Variants in TCF4 observed in about 807,000 individuals in gnomAD.
The protein encoded by TCF4 is transcription factor 4.
TCF4 carries 3 observed loss-of-function variants against 82.1 expected under a neutral mutation model. That is an observed-to-expected ratio of 0.04 (90% CI 0.02 to 0.09). The LOEUF is 0.09. Ranked by LOEUF, TCF4 falls within the 10% of genes least tolerant of loss-of-function variation. TCF4 has a pLI of 1.00. For synonymous variants in TCF4, 276 were observed against 309.6 expected (o/e 0.89, Z 1.14); for missense variants, 518 against 852.7 (o/e 0.61, Z 4.89).
upstream of TCF4, chr18:55,588,250 G>A: frequency 7.0e-7 from 1 of 1,423,596 alleles, no homozygotes; most frequent in Non-Finnish European, 9.2e-7. Context: ...GGGGAGGGGA[G>A]GGGACGGAGG....
rs573096061 is a variant in TCF4 at position 55,234,173 on chromosome 18, CAACAAA to C, written c.1486+369_1486+374del. 6.6e-5 allele frequency among the ~76,000 whole-genome samples: 10 copies of C among 152,232 alleles called. No homozygotes were observed. In the South Asian group the frequency reaches 2.1e-3, roughly 32 times the overall value. ...CACCTATATTTCCTTCCATCTTAAA[CAACAAA>C]AACAATTTCCTTCCTTCCTATTCAT... On this transcript the variant is annotated intron_variant, in intron 16 of 19. Transcript: ENST00000354452.
intron 13 of TCF4, 198 bp from the exon 14 acceptor site, chr18:55,257,589 A>C: frequency 1.6e-6 from 1 of 609,654 alleles, no homozygotes; most frequent in South Asian, 2.0e-5. Context: ...TAGACTTTAC[A>C]TAGACTCACA....
chr18:55,559,170 T>G (rs914423702), intron 3 of TCF4, among the ~76,000 whole-genome samples: 5 of 146,046 alleles, frequency 3.4e-5, no homozygotes, highest in African/African-American at 1.3e-4. Context: ...AAAAAAAAAG[T>G]AATTGTAAGT....
intron 2 of TCF4, among the ~76,000 whole-genome samples, chr18:55,619,810 T>G (rs960913921): frequency 3.3e-5 from 5 of 152,188 alleles, no homozygotes; most frequent in African/African-American, 1.2e-4. Flanking sequence ...TGCTGGATGT[T>G]TTTGTATACC....
Position 55,222,969 on chromosome 18 carries a change from T to C in TCF4, c.*5066A>G, listed in dbSNP as rs1390994463. The C allele has an allele frequency of 6.6e-6, 1 of 152,602 alleles. No homozygotes were observed. Among genetic ancestry groups the C allele is most frequent in the Non-Finnish European group, 1.5e-5 (1 of 68,024 alleles). 9.5% of individuals were successfully genotyped at this position (152,602 alleles called of 1,614,324 possible). On this transcript the variant is annotated 3_prime_UTR_variant, in exon 20 of 20. Transcript: ENST00000354452. Reference sequence around the variant, plus strand: ...GTATAAATACAGTGTTAATATTAACTGTAGTTAACAATATTCAGCTTTTAA... The same window carrying C: ...GTATAAATACAGTGTTAATATTAACCGTAGTTAACAATATTCAGCTTTTAA...
chr18:55,341,585 G>A (rs2079975230), intron 8 of TCF4, among the ~76,000 whole-genome samples: 2 of 152,100 alleles, frequency 1.3e-5, no homozygotes, highest in South Asian at 4.1e-4. Context: ...TACTTGAAAG[G>A]TCTTTTTATG....
At chr18:55,458,818 A>T (rs1299484350) in intron 5 of TCF4, among the ~76,000 whole-genome samples, 1 of 152,162 alleles carries the variant, frequency 6.6e-6, no homozygotes, top group African/African-American at 2.4e-5. Flanking sequence ...TACTTGTTTC[A>T]ATGTCTTTTT....
intron 6 of TCF4, among the ~76,000 whole-genome samples, chr18:55,355,755 A>T (rs1315192663): frequency 2.0e-5 from 3 of 152,214 alleles, no homozygotes; most frequent in African/African-American, 7.2e-5. Context: ...CTTGCAAATC[A>T]GGGACTTAAA....
chr18:55,260,132 T>G, intron 12 of TCF4, 105 bp from the exon 13 acceptor site: 1 of 818,070 alleles, frequency 1.2e-6, no homozygotes, highest in Non-Finnish European at 2.1e-6. Flanking sequence ...ACTTACAAGT[T>G]ACAGCATACA....
chr18:55,231,049 T>C, intron 17 of TCF4: 1 of 152,328 alleles, frequency 6.6e-6, no homozygotes, highest in Non-Finnish European at 1.5e-5. Flanking sequence ...GTCAACTGAG[T>C]CCACTGGAAA....
chr18:55,618,776 A>G (rs1041126559), intron 2 of TCF4, among the ~76,000 whole-genome samples: 48 of 150,290 alleles, frequency 3.2e-4, no homozygotes, highest in African/African-American at 1.1e-3. Flanking sequence ...TTGTAGAGAC[A>G]GAGTCTTGCC....
chr18:55,565,261 A>T (rs1246321988), intron 3 of TCF4, among the ~76,000 whole-genome samples: 1 of 152,092 alleles, frequency 6.6e-6, no homozygotes, highest in Non-Finnish European at 1.5e-5. Flanking sequence ...GTATGACAAT[A>T]CACCCAAGGC....
intron 6 of TCF4, chr18:55,401,124 A>G: frequency 7.8e-7 from 1 of 1,288,518 alleles, no homozygotes; most frequent in Non-Finnish European, 1.0e-6. Flanking sequence ...GATTCAAATA[A>G]CAATACGGCA....
At chr18:55,325,295 A>G (rs2076362928) in intron 8 of TCF4, among the ~76,000 whole-genome samples, 1 of 152,204 alleles carries the variant, frequency 6.6e-6, no homozygotes, top group South Asian at 2.1e-4. Flanking sequence ...TTGAGAAAAG[A>G]GAGAAAATAT....
At chr18:55,389,957 G>A (rs11152363) in intron 6 of TCF4, among the ~76,000 whole-genome samples, 24,867 of 151,944 alleles carry the variant, frequency 0.16, 2,726 homozygotes, top group East Asian at 0.49. Flanking sequence ...TGGTGGCTGG[G>A]AGTCAGTCAT....
intron 3 of TCF4, among the ~76,000 whole-genome samples, chr18:55,467,207 G>A (rs2096048277): frequency 6.6e-6 from 1 of 152,028 alleles, no homozygotes; most frequent in Non-Finnish European, 1.5e-5. Context: ...TGTTTCCATA[G>A]CATGCGCAAT....
chr18:55,299,451 C>CTT lies in TCF4; in HGVS notation c.550-19797_550-19796dup, dbSNP rs113065305. 1.8e-3 allele frequency among the ~76,000 whole-genome samples: 213 copies of CTT among 116,770 alleles called. 4 individuals carry two copies. The highest frequency in any genetic ancestry group is 5.8e-3 in the African/African-American group (180 of 31,164). The allele number at this position is 116,770 out of a possible 152,430, so 76.6% of individuals were successfully genotyped here. On this transcript the variant is annotated intron_variant, in intron 8 of 19. Transcript: ENST00000354452. ...GCTTTCTTGGGGGAGCATGTTTCTG[C>CTT]TTTTTTTTTTTTTTTTTTGGGTCTG...
At chr18:55,391,619 A>G (rs966769649) in intron 6 of TCF4, among the ~76,000 whole-genome samples, 1 of 151,974 alleles carries the variant, frequency 6.6e-6, no homozygotes, top group African/African-American at 2.4e-5. Flanking sequence ...ACTGACTTGA[A>G]TCAACATTCC....
rs182286728 is a variant in TCF4 at position 55,519,664 on chromosome 18, A to T, written c.146-55527T>A. On this transcript the variant is annotated intron_variant, in intron 3 of 19. Transcript: ENST00000354452. ...ATAAGACAGAACTGTGCTACTGTGC[A>T]CACAACTCACTTACATGCTGAATTG... Among the ~76,000 whole-genome samples the T allele has an allele frequency of 3.3e-4, 51 of 152,318 alleles. 1 individual carries two copies. The highest frequency in any genetic ancestry group is 3.3e-3 in the Admixed American group (50 of 15,288).
Sources: gnomAD v4.1 joint callset for allele counts (sites outside exome capture counted in the v4.1 genomes callset) on GRCh38, gnomAD v4.1.1 for gene constraint, MANE v1.5 for transcripts, NCBI Gene and HGNC (gene_info 2026-07-23, HGNC 2026-07-21) for gene names.